The following OXCT1 variants were observed in gnomAD, a reference collection of about 807,000 sequenced individuals.
The protein encoded by OXCT1 is 3-oxoacid CoA-transferase 1.
A neutral mutation model predicts 69.6 loss-of-function variants in OXCT1; 27 were observed. The ratio of observed to expected loss-of-function variants is 0.39; its 90% CI spans 0.29 to 0.54. The LOEUF (loss-of-function observed/expected upper bound fraction) is 0.54, where lower values mean the gene tolerates loss of function less well. OXCT1 is among the 20% of genes least tolerant of loss of function. The probability of loss-of-function intolerance (pLI) is 0.72; values close to 1 mark genes in which losing one functional copy is unlikely to be tolerated. For missense variants in OXCT1, 437 were observed against 650.2 expected (o/e 0.67, Z 3.57); for synonymous variants, 202 against 217.8 (o/e 0.93, Z 0.64).
At chr5:41,844,102 G>A (rs1323459293) in intron 5 of OXCT1, among the ~76,000 whole-genome samples, 1 of 152,132 alleles carries the variant, frequency 6.6e-6, no homozygotes, top group Admixed American at 6.6e-5. Flanking sequence ...TTATATTCTA[G>A]TTACATAATT....
chr5:41,850,982 C>T (rs1041695259), intron 4 of OXCT1, among the ~76,000 whole-genome samples: 15 of 152,156 alleles, frequency 9.9e-5, no homozygotes, highest in Admixed American at 9.8e-4. Context: ...AACAGTCTTA[C>T]TAGAAAACTG....
At chr5:41,798,580 G>C (rs913969856) in intron 11 of OXCT1, among the ~76,000 whole-genome samples, 15 of 152,170 alleles carry the variant, frequency 9.9e-5, no homozygotes, top group Non-Finnish European at 2.2e-4. Flanking sequence ...AGTGCAGAGA[G>C]GACATGGCAG....
intron 7 of OXCT1, among the ~76,000 whole-genome samples, chr5:41,813,929 T>G (rs553972849): frequency 6.6e-6 from 1 of 152,258 alleles, no homozygotes; most frequent in African/African-American, 2.4e-5. Flanking sequence ...TTCTTTTATA[T>G]GTACTATTAA....
intron 14 of OXCT1, among the ~76,000 whole-genome samples, chr5:41,761,410 T>A (rs1744339110): frequency 6.6e-6 from 1 of 152,050 alleles, no homozygotes; most frequent in Non-Finnish European, 1.5e-5. Context: ...GAGCTTGGTG[T>A]ATTCTTGGCA....
At chr5:41,801,985 C>T (rs942116088) in intron 10 of OXCT1, among the ~76,000 whole-genome samples, 1 of 151,814 alleles carries the variant, frequency 6.6e-6, no homozygotes, top group Non-Finnish European at 1.5e-5. Context: ...AAAATTTATC[C>T]TTTAAACTGA....
At chr5:41,751,159 G>A (rs545270203) in intron 14 of OXCT1, among the ~76,000 whole-genome samples, 66 of 152,046 alleles carry the variant, frequency 4.3e-4, no homozygotes, top group African/African-American at 1.2e-3. Flanking sequence ...ACAAATATTC[G>A]AACTTCTACA....
rs987734312 is a variant in OXCT1 at position 41,753,176 on chromosome 5, A to G, written c.1339-3569T>C. Among the ~76,000 whole-genome samples the G allele has an allele frequency of 2.0e-5, 3 of 152,124 alleles. No homozygotes were observed. In the South Asian group the frequency reaches 6.2e-4, roughly 31 times the overall value. On this transcript the variant is annotated intron_variant, in intron 14 of 16. Transcript: ENST00000196371. ...GAATGATTTCTTGCATTTCATGTCA[A>G]TACATTCACCTGAAATCTTTAAGAC...
intron 10 of OXCT1, 78 bp downstream of exon 10, chr5:41,802,991 T>A (rs532452856): frequency 3.6e-5 from 38 of 1,065,026 alleles, no homozygotes; most frequent in African/African-American, 1.6e-4. Context: ...AATAAAAAAA[T>A]TTAATAAAAA....
intron 13 of OXCT1, among the ~76,000 whole-genome samples, chr5:41,779,736 C>T (rs1199977112): frequency 6.6e-6 from 1 of 150,754 alleles, no homozygotes; most frequent in East Asian, 1.9e-4. Flanking sequence ...GTTACCTGGC[C>T]ACCAAGAAAA....
chr5:41,867,767 A>G (rs911388256), intron 1 of OXCT1, among the ~76,000 whole-genome samples: 2 of 152,218 alleles, frequency 1.3e-5, no homozygotes, highest in African/African-American at 4.8e-5. Flanking sequence ...TTGGAAAGAG[A>G]TTTGGGAAAA....
chr5:41,842,599 T>G, intron 6 of OXCT1, 76 bp downstream of exon 6: 1 of 1,055,632 alleles, frequency 9.5e-7, no homozygotes, highest in Non-Finnish European at 1.5e-6. Flanking sequence ...AATACATTTT[T>G]AAATTCCAAA....
Position 41,870,177 on chromosome 5 carries a change from A to C in OXCT1, c.78+104T>G. 1 of 916,386 alleles carries C rather than the reference A, an allele frequency of 1.1e-6. No homozygotes were observed. 56.8% of individuals were successfully genotyped at this position (916,386 alleles called of 1,614,324 possible). A position where few individuals can be genotyped will look rare whatever the true frequency, so the allele number is the denominator to read the frequency against. ...CACCGCGCCACGGATGCCAGATCCC[A>C]GGCTGGAGAGAGCGGGTAGGGGCAG... On this transcript the variant is annotated intron_variant, in intron 1 of 16. Transcript: ENST00000196371. This position sits in a 1 kb window ranked among gnomAD's most constrained non-coding sequence, Gnocchi z 4.2.
chr5:41,838,590 G>A (rs1436538161), intron 7 of OXCT1, among the ~76,000 whole-genome samples: 3 of 151,874 alleles, frequency 2.0e-5, no homozygotes, highest in Non-Finnish European at 4.4e-5. Context: ...GCTTGATATG[G>A]GACTAGTATA....
intron 13 of OXCT1, among the ~76,000 whole-genome samples, chr5:41,786,041 G>C (rs1462740959): frequency 6.6e-6 from 1 of 152,210 alleles, no homozygotes; most frequent in Non-Finnish European, 1.5e-5. Flanking sequence ...GGCCATGTGA[G>C]AGAGGAACAA....
At chr5:41,773,629 G>GCCC (rs1561064805) in intron 13 of OXCT1, among the ~76,000 whole-genome samples, 98 of 62,180 alleles carry the variant, frequency 1.6e-3, no homozygotes, top group South Asian at 2.8e-3. Flanking sequence ...CCACCCCTCT[G>GCCC]CCAAAAAAAA....
chr5:41,824,428 G>T (rs915747181), intron 7 of OXCT1, among the ~76,000 whole-genome samples: 1 of 152,046 alleles, frequency 6.6e-6, no homozygotes, highest in East Asian at 1.9e-4. Flanking sequence ...AGTCTACTTG[G>T]ACCATTTCAC....
intron 14 of OXCT1, among the ~76,000 whole-genome samples, chr5:41,750,004 G>A (rs1046618362): frequency 8.6e-5 from 13 of 151,960 alleles, no homozygotes; most frequent in Admixed American, 3.9e-4. Flanking sequence ...ACACAAATGC[G>A]TAAGTCCTCT....
At chr5:41,777,394 CG>C (rs1420861574) in intron 13 of OXCT1, among the ~76,000 whole-genome samples, 2 of 151,990 alleles carry the variant, frequency 1.3e-5, no homozygotes, top group African/African-American at 2.4e-5. Context: ...CCAGCCTGGG[CG>C]ACAAAGTGAG....
chr5:41,859,889 A>ATAT (rs1491189806), intron 3 of OXCT1, among the ~76,000 whole-genome samples: 2 of 88,648 alleles, frequency 2.3e-5, no homozygotes, highest in Admixed American at 2.2e-4. Flanking sequence ...ATATATATGT[A>ATAT]ATATATATAT....
Sources: allele counts gnomAD v4.1 joint callset (sites outside exome capture counted in the v4.1 genomes callset), GRCh38; gene constraint gnomAD v4.1.1; non-coding constraint Gnocchi (gnomAD v3.1); transcripts MANE v1.5; gene names NCBI Gene and HGNC (gene_info 2026-07-23, HGNC 2026-07-21).